Variants in RPS6KA2 observed in about 807,000 individuals in gnomAD.
The protein encoded by RPS6KA2 is ribosomal protein S6 kinase A2.
RPS6KA2 carries 42 observed loss-of-function variants against 91.8 expected under a neutral mutation model. That is an observed-to-expected ratio of 0.46 (90% CI 0.36 to 0.59). RPS6KA2 has a LOEUF of 0.59. Among genes scored for constraint, RPS6KA2 ranks in the 20% least tolerant of loss-of-function variants. The pLI is 0.00. For synonymous variants in RPS6KA2, 414 were observed against 393.6 expected (o/e 1.05, Z -0.61); for missense variants, 798 against 978.5 (o/e 0.82, Z 2.46).
intron 2 of RPS6KA2, among the ~76,000 whole-genome samples, chr6:166,828,087 T>C (rs917159464): frequency 1.3e-5 from 2 of 152,222 alleles, no homozygotes; most frequent in Non-Finnish European, 2.9e-5. Flanking sequence ...AAAAAGTAAG[T>C]ACAAACCCAT....
chr6:166,652,416 G>T (rs12215660), intron 2 of RPS6KA2, among the ~76,000 whole-genome samples: 21,381 of 152,094 alleles, frequency 0.14, 1,535 homozygotes, highest in East Asian at 0.19. Context: ...TGTTTTCCTT[G>T]CGATGTTTCC....
At chr6:166,734,509 C>T (rs534982281) in intron 2 of RPS6KA2, among the ~76,000 whole-genome samples, 3 of 152,152 alleles carry the variant, frequency 2.0e-5, no homozygotes, top group South Asian at 2.1e-4. Flanking sequence ...TCACAAGCAG[C>T]GGCTGATATT....
chr6:166,690,893 G>A (rs952627735), intron 2 of RPS6KA2, among the ~76,000 whole-genome samples: 1 of 151,868 alleles, frequency 6.6e-6, no homozygotes, highest in Non-Finnish European at 1.5e-5. Context: ...TGTTTACAGG[G>A]CTTACTCTGT....
At chr6:166,640,154 G>A (rs1787380515) in intron 2 of RPS6KA2, among the ~76,000 whole-genome samples, 1 of 152,060 alleles carries the variant, frequency 6.6e-6, no homozygotes, top group African/African-American at 2.4e-5. Flanking sequence ...TCAAAAGGAA[G>A]GGAGTCAGCA....
intron 1 of RPS6KA2, among the ~76,000 whole-genome samples, chr6:166,625,903 C>T (rs183461763): frequency 1.8e-3 from 273 of 152,186 alleles, no homozygotes; most frequent in African/African-American, 6.1e-3. Flanking sequence ...TTGTCTATTC[C>T]TCAGGTCTCT....
chr6:166,632,524 A>G (rs1274482667), intron 2 of RPS6KA2, among the ~76,000 whole-genome samples: 1 of 152,014 alleles, frequency 6.6e-6, no homozygotes, highest in Non-Finnish European at 1.5e-5. Context: ...AGGCAGGAGC[A>G]TCCCTTGAAC....
At chr6:166,488,214 C>G (rs751571327) in intron 10 of RPS6KA2, among the ~76,000 whole-genome samples, 3 of 150,862 alleles carry the variant, frequency 2.0e-5, no homozygotes, top group Non-Finnish European at 4.4e-5. Context: ...CGGAAACACC[C>G]TGCTCTTGCT....
intron 1 of RPS6KA2, among the ~76,000 whole-genome samples, chr6:166,552,134 A>G (rs1040259699): frequency 5.9e-5 from 9 of 152,152 alleles, no homozygotes; most frequent in Non-Finnish European, 1.3e-4. Flanking sequence ...CCCCATGAAC[A>G]CTTACAGGGG....
chr6:166,848,420 G>A (rs1405244586), intron 2 of RPS6KA2, among the ~76,000 whole-genome samples: 1 of 152,162 alleles, frequency 6.6e-6, no homozygotes, highest in Non-Finnish European at 1.5e-5. Flanking sequence ...TACCTACCCA[G>A]AGGAAAAGTC....
intron 2 of RPS6KA2, among the ~76,000 whole-genome samples, chr6:166,769,107 A>G (rs1778397032): frequency 1.3e-5 from 2 of 151,988 alleles, no homozygotes; most frequent in Admixed American, 6.5e-5. Flanking sequence ...CTGGCCCTGA[A>G]CTCTGTGCAG....
At chr6:166,756,765 G>C (rs1778021202) in intron 2 of RPS6KA2, among the ~76,000 whole-genome samples, 1 of 152,182 alleles carries the variant, frequency 6.6e-6, no homozygotes, top group Admixed American at 6.5e-5. Flanking sequence ...AGAACTGCTT[G>C]AACCCGGGAG....
In RPS6KA2 at chr6:166,412,825, G is replaced by T; in HGVS notation, c.2139C>A (p.Pro713=). Residue 713 remains proline (P), a synonymous_variant, in exon 21 of 21, where the codon CCC becomes CCA. Coordinates refer to ENST00000265678, the MANE Select transcript of RPS6KA2 (RefSeq NM_021135.6). This position sits in a 1 kb window ranked among gnomAD's most constrained non-coding sequence, Gnocchi z 4.3. ...NRTPQAPRLE[P]VLSSNLAQRR... Reference sequence around the variant, plus strand: ...GCTGAGCCAGGTTGGATGACAGCACGGGCTCCAGCCGCGGGGCCTGAGGTG... The same window carrying T: ...GCTGAGCCAGGTTGGATGACAGCACTGGCTCCAGCCGCGGGGCCTGAGGTG... The T allele has an allele frequency of 6.3e-7, 1 of 1,583,520 alleles. No homozygotes were observed. Among genetic ancestry groups the T allele is most frequent in the South Asian group, 1.2e-5 (1 of 86,384 alleles).
intron 2 of RPS6KA2, among the ~76,000 whole-genome samples, chr6:166,669,211 A>G (rs1358321543): frequency 6.6e-6 from 1 of 152,072 alleles, no homozygotes; most frequent in Non-Finnish European, 1.5e-5. Context: ...GGAGGTCTTA[A>G]TGGGGACAGT....
chr6:166,727,309 TAAAC>T (rs199646291), intron 2 of RPS6KA2, among the ~76,000 whole-genome samples: 43 of 143,026 alleles, frequency 3.0e-4, no homozygotes, highest in Middle Eastern at 3.4e-3. Flanking sequence ...AGATCATACT[TAAAC>T]AAACAAACAC....
At chr6:166,631,555 T>A (rs2128545839), upstream of RPS6KA2, among the ~76,000 whole-genome samples, 1 of 152,354 alleles carries the variant, frequency 6.6e-6, no homozygotes, top group East Asian at 1.9e-4. Context: ...TTCATACCAC[T>A]TTCTTTTGAA....
intron 1 of RPS6KA2, among the ~76,000 whole-genome samples, chr6:166,578,281 G>A (rs905942298): frequency 6.6e-6 from 1 of 152,160 alleles, no homozygotes; most frequent in South Asian, 2.1e-4. Flanking sequence ...TGGACTGGGG[G>A]CTGTCCTGCT....
chr6:166,804,524 A>T (rs1779443746), intron 2 of RPS6KA2, among the ~76,000 whole-genome samples: 1 of 152,016 alleles, frequency 6.6e-6, no homozygotes, highest in Admixed American at 6.6e-5. Context: ...TTTAAAAAGC[A>T]TTCCAAATTA....
chr6:166,594,846 T>C (rs566196742), intron 1 of RPS6KA2, among the ~76,000 whole-genome samples: 1 of 152,176 alleles, frequency 6.6e-6, no homozygotes, highest in African/African-American at 2.4e-5. Context: ...AACACCAAAG[T>C]TCTTTCCATC....
chr6:166,609,047 G>C (rs758588921), intron 1 of RPS6KA2, among the ~76,000 whole-genome samples: 1 of 152,218 alleles, frequency 6.6e-6, no homozygotes, highest in Non-Finnish European at 1.5e-5. Context: ...GCCTGAGAGA[G>C]AGCAAGGGGT....
Sources: gnomAD v4.1 joint callset for allele counts (sites outside exome capture counted in the v4.1 genomes callset) on GRCh38, gnomAD v4.1.1 for gene constraint, Gnocchi (gnomAD v3.1) non-coding constraint, MANE v1.5 for transcripts, NCBI Gene and HGNC (gene_info 2026-07-23, HGNC 2026-07-21) for gene names.